AUTS2: variants seen among roughly 807,000 people sequenced by gnomAD.
The protein encoded by AUTS2 is activator of transcription and developmental regulator AUTS2, also known as autism susceptibility gene 2 protein.
Under a neutral mutation model 112.4 loss-of-function variants are expected in AUTS2, and 17 were observed. The observed-to-expected ratio is 0.15, with a 90% CI of 0.10 to 0.23. The LOEUF (loss-of-function observed/expected upper bound fraction) is 0.23, where lower values mean the gene tolerates loss of function less well. AUTS2 is among the 10% of genes least tolerant of loss of function. AUTS2 has a pLI of 1.00. For synonymous variants in AUTS2, 751 were observed against 702.7 expected (o/e 1.07, Z -1.09); for missense variants, 1,510 against 1,701.6 (o/e 0.89, Z 1.98).
At position 70,766,409 on chromosome 7, in the gene AUTS2, T is replaced by G. The variant is rs944534983; in HGVS notation, c.1689+75T>G. ...CTTTATGCAGCACGTGGGACCGGGC[T>G]GGGCAGCGGGGCCACCAGAGATCGA... On this transcript the variant is annotated intron_variant, in intron 9 of 18. Transcript: ENST00000342771. This position sits in a 1 kb window ranked among gnomAD's most constrained non-coding sequence, Gnocchi z 4.8. 1.3e-6 allele frequency: 2 copies of G among 1,554,292 alleles called. No homozygotes were observed. Among genetic ancestry groups the G allele is most frequent in the Non-Finnish European group, 1.7e-6 (2 of 1,143,238 alleles).
At chr7:69,852,256 T>C (rs1792517660) in intron 1 of AUTS2, among the ~76,000 whole-genome samples, 1 of 152,200 alleles carries the variant, frequency 6.6e-6, no homozygotes, top group Non-Finnish European at 1.5e-5. Flanking sequence ...ATCCCTGGAA[T>C]AAATCCCATT....
intron 6 of AUTS2, 75 bp from the exon 7 acceptor site, chr7:70,762,795 G>T: frequency 9.1e-7 from 1 of 1,101,326 alleles, no homozygotes; most frequent in Non-Finnish European, 1.4e-6. Context: ...TGATAGCCTT[G>T]GAGTTTCCTT....
intron 5 of AUTS2, among the ~76,000 whole-genome samples, chr7:70,532,742 G>A (rs558905268): frequency 1.3e-5 from 2 of 152,174 alleles, no homozygotes; most frequent in South Asian, 2.1e-4. Flanking sequence ...ACAGTGCCTC[G>A]TCTTGACCAG....
intron 5 of AUTS2, among the ~76,000 whole-genome samples, chr7:70,662,042 A>C (rs1353559195): frequency 6.6e-6 from 1 of 152,048 alleles, no homozygotes; most frequent in Non-Finnish European, 1.5e-5. Context: ...TGAGCAGACA[A>C]TGGGGGGGCA....
At chr7:70,633,632 A>AAGCT (rs1805389636) in intron 5 of AUTS2, among the ~76,000 whole-genome samples, 1 of 139,718 alleles carries the variant, frequency 7.2e-6, no homozygotes, top group Non-Finnish European at 1.5e-5. Flanking sequence ...AAAAAAAAGG[A>AAGCT]CAGAACACAT....
intron 5 of AUTS2, among the ~76,000 whole-genome samples, chr7:70,573,945 G>A (rs962864990): frequency 6.6e-6 from 1 of 152,146 alleles, no homozygotes. Flanking sequence ...AAATTTGGGG[G>A]ATATGCATTG....
At chr7:69,872,533 A>G (rs1793543966) in intron 1 of AUTS2, among the ~76,000 whole-genome samples, 1 of 152,212 alleles carries the variant, frequency 6.6e-6, no homozygotes, top group African/African-American at 2.4e-5. Context: ...GAGTATCTAA[A>G]ACAGCATTTT....
At position 69,691,119 on chromosome 7, in the gene AUTS2, G is replaced by A. The variant is rs540971658; in HGVS notation, c.309+91157G>A. ...CATCTGCCTGAGTCTACCTGAGTCC[G>A]AGGGTTTTTATGGGCTCGGAAGGGA... is the stretch of plus-strand genomic sequence containing the variant. On this transcript the variant is annotated intron_variant, in intron 1 of 18. Coordinates refer to ENST00000342771, the MANE Select transcript of AUTS2 (RefSeq NM_015570.4). Among the ~76,000 whole-genome samples, 11 of 152,310 alleles carry A rather than the reference G, an allele frequency of 7.2e-5. No homozygotes were observed. In the East Asian group the frequency reaches 7.7e-4, roughly 11 times the overall value.
At chr7:70,473,285 A>T (rs1797461101) in intron 5 of AUTS2, among the ~76,000 whole-genome samples, 2 of 152,250 alleles carry the variant, frequency 1.3e-5, no homozygotes, top group African/African-American at 4.8e-5. Context: ...TTCAGCATGT[A>T]ACCAGAGTAA....
chr7:70,756,598 A>G, intron 6 of AUTS2, among the ~76,000 whole-genome samples: 1 of 152,342 alleles, frequency 6.6e-6, no homozygotes, highest in East Asian at 1.9e-4. Context: ...ACATACCTTT[A>G]AGTATGTAAG....
intron 4 of AUTS2, among the ~76,000 whole-genome samples, chr7:70,388,393 A>G (rs948671278): frequency 6.6e-6 from 1 of 152,198 alleles, no homozygotes; most frequent in Admixed American, 6.5e-5. Context: ...TCCTGAATAA[A>G]TGTTTCTTCA....
chr7:70,644,613 C>T (rs775598834), intron 5 of AUTS2, among the ~76,000 whole-genome samples: 1 of 152,086 alleles, frequency 6.6e-6, no homozygotes, highest in Non-Finnish European at 1.5e-5. Flanking sequence ...CTATTCACCC[C>T]CACCCCTCCT....
chr7:70,020,296 C>T (rs1301437790), intron 2 of AUTS2, among the ~76,000 whole-genome samples: 1 of 152,084 alleles, frequency 6.6e-6, no homozygotes, highest in Non-Finnish European at 1.5e-5. Context: ...CCCCACCCCC[C>T]ACTCTCACCT....
At chr7:69,642,422 A>AATATTTGGTTTGACTTACC (rs1329307515) in intron 1 of AUTS2, among the ~76,000 whole-genome samples, 11 of 152,296 alleles carry the variant, frequency 7.2e-5, no homozygotes, top group African/African-American at 2.2e-4. Flanking sequence ...CCGAAAATGG[A>AATATTTGGTTTGACTTACC]ATATTTGGTT....
At chr7:69,877,197 A>G (rs941274873) in intron 1 of AUTS2, among the ~76,000 whole-genome samples, 3 of 152,152 alleles carry the variant, frequency 2.0e-5, no homozygotes, top group African/African-American at 4.8e-5. Flanking sequence ...TACTCTGTCA[A>G]TGAATCAGTT....
chr7:69,822,856 T>C (rs528932011), intron 1 of AUTS2, among the ~76,000 whole-genome samples: 2 of 152,314 alleles, frequency 1.3e-5, no homozygotes, highest in Non-Finnish European at 2.9e-5. Context: ...ACTCCTGTTG[T>C]GAGGAAGGTT....
chr7:69,815,920 T>C (rs1790741903), intron 1 of AUTS2, among the ~76,000 whole-genome samples: 1 of 152,256 alleles, frequency 6.6e-6, no homozygotes, highest in Non-Finnish European at 1.5e-5. Context: ...CGCTGTTTAC[T>C]CTAAGAGGCC....
At chr7:70,218,975 TATTTGCTAC>T (rs1811323268) in intron 4 of AUTS2, among the ~76,000 whole-genome samples, 1 of 152,248 alleles carries the variant, frequency 6.6e-6, no homozygotes, top group African/African-American at 2.4e-5. Context: ...TTTAGAGTAC[TATTTGCTAC>T]ATTTTTTGTC....
At chr7:70,531,941 C>G (rs1800111916) in intron 5 of AUTS2, among the ~76,000 whole-genome samples, 1 of 152,228 alleles carries the variant, frequency 6.6e-6, no homozygotes, top group African/African-American at 2.4e-5. Flanking sequence ...CAGCTGATCT[C>G]TGCTGGCTTC....
Sources: gnomAD v4.1 joint callset for allele counts (sites outside exome capture counted in the v4.1 genomes callset) on GRCh38, gnomAD v4.1.1 for gene constraint, Gnocchi (gnomAD v3.1) non-coding constraint, MANE v1.5 for transcripts, NCBI Gene and HGNC (gene_info 2026-07-23, HGNC 2026-07-21) for gene names.